Variants in ADAMTS20 observed in about 807,000 individuals in gnomAD.
The protein encoded by ADAMTS20 is A disintegrin and metalloproteinase with thrombospondin motifs 20.
A neutral mutation model predicts 260.1 loss-of-function variants in ADAMTS20; 225 were observed. The observed-to-expected ratio is 0.87, with a 90% confidence interval of 0.78 to 0.97. The LOEUF (loss-of-function observed/expected upper bound fraction) is 0.97, where lower values mean the gene tolerates loss of function less well. ADAMTS20 is among the 50% of genes least tolerant of loss of function. The pLI is 0.00. For missense variants in ADAMTS20, 2,400 were observed against 2,337.7 expected, an observed-to-expected ratio of 1.03 and a Z score of -0.55; for synonymous variants, 802 against 769.5, an observed-to-expected ratio of 1.04 and a Z score of -0.70.
At chr12:43,541,763 T>G (rs1210907590) in intron 2 of ADAMTS20, among the ~76,000 whole-genome samples, 1 of 148,450 alleles carries the variant, frequency 6.7e-6, no homozygotes, top group Non-Finnish European at 1.5e-5. Flanking sequence ...TAGTAAGGGT[T>G]TTGTTTTGTT....
chr12:43,405,417 CTAATAA>C (rs66970122), intron 28 of ADAMTS20, among the ~76,000 whole-genome samples: 28,438 of 135,400 alleles, frequency 0.21, 3,127 homozygotes, highest in Middle Eastern at 0.36. Context: ...GACGTCTTCT[CTAATAA>C]TAATAATAAT....
chr12:43,427,229 T>C, intron 27 of ADAMTS20, 79 bp downstream of exon 27: 2 of 1,458,792 alleles, frequency 1.4e-6, no homozygotes, highest in Non-Finnish European at 1.8e-6. Context: ...ATCAGATTAT[T>C]GAACAGTATA....
chr12:43,467,075 C>CTT (rs1942168152), intron 8 of ADAMTS20, among the ~76,000 whole-genome samples: 1 of 151,940 alleles, frequency 6.6e-6, no homozygotes, highest in Non-Finnish European at 1.5e-5. Context: ...ACAGCATTGA[C>CTT]ATAAAAGTGC....
intron 31 of ADAMTS20, among the ~76,000 whole-genome samples, chr12:43,381,059 T>C (rs1940338678): frequency 6.6e-6 from 1 of 152,156 alleles, no homozygotes; most frequent in Admixed American, 6.5e-5. Flanking sequence ...GAAAATAGAA[T>C]TGAGAGTTCA....
chr12:43,380,539 T>C (rs1194215281), intron 31 of ADAMTS20, among the ~76,000 whole-genome samples: 4 of 152,064 alleles, frequency 2.6e-5, no homozygotes, highest in Non-Finnish European at 5.9e-5. Flanking sequence ...AAAATCCCAT[T>C]TAATCCACAC....
intron 7 of ADAMTS20, 78 bp from the exon 8 acceptor site, chr12:43,468,783 T>A: frequency 1.2e-6 from 1 of 804,406 alleles, no homozygotes; most frequent in Non-Finnish European, 2.0e-6. Flanking sequence ...TTGAAGCATT[T>A]AACCATTGAT....
intron 7 of ADAMTS20, among the ~76,000 whole-genome samples, chr12:43,470,030 GA>G (rs1942225407): frequency 6.6e-6 from 1 of 151,996 alleles, no homozygotes; most frequent in South Asian, 2.1e-4. Context: ...ATCAAGCAAG[GA>G]AAAAAATTAA....
chr12:43,468,598 A>T lies in ADAMTS20; in HGVS notation c.1223+2T>A. 2.5e-6 allele frequency: 4 copies of T among 1,573,178 alleles called. No individual in the cohort carries two copies. Among genetic ancestry groups the T allele is most frequent in the Non-Finnish European group, 3.5e-6 (4 of 1,148,900 alleles). ...ATTAAGGAGGTGACAGAAGGTACTT[A>T]CGTGTGCCCAAGCTCATGGGCTATA... On this transcript the variant is annotated splice_donor_variant, in intron 8 of 38. Transcript: ENST00000389420. LOFTEE classifies it high-confidence loss of function.
chr12:43,431,353 C>G lies in ADAMTS20; in HGVS notation c.3240G>C (p.Trp1080Cys). 3.7e-6 allele frequency: 6 copies of G among 1,613,796 alleles called. No homozygotes were observed. The highest frequency in any genetic ancestry group is 5.1e-6 in the Non-Finnish European group (6 of 1,179,808). The change falls in exon 22 of 39, where the codon TGG becomes TGC. Residue 1080 changes from tryptophan to cysteine, a missense_variant. By Grantham distance (215) the Trp-to-Cys change is radical. Coordinates refer to ENST00000389420, the MANE Select transcript of ADAMTS20 (RefSeq NM_025003.5). Reference sequence around the variant, plus strand: ...TCACAGGACCCCATGGTCCTACTTGCCAGGAAGCACATGTATGAAGTTCAC... The same window carrying G: ...TCACAGGACCCCATGGTCCTACTTGGCAGGAAGCACATGTATGAAGTTCAC... ...SPCELHTCAS[W>C]QVGPWGPCTT...
At chr12:43,387,439 G>C (rs1592041972) in intron 29 of ADAMTS20, among the ~76,000 whole-genome samples, 1 of 152,184 alleles carries the variant, frequency 6.6e-6, no homozygotes, top group African/African-American at 2.4e-5. Flanking sequence ...CCTGCTGGGA[G>C]GTGTCTCCCA....
intron 11 of ADAMTS20, among the ~76,000 whole-genome samples, chr12:43,459,223 G>A (rs923223968): frequency 1.3e-5 from 2 of 152,128 alleles, no homozygotes; most frequent in South Asian, 2.1e-4. Flanking sequence ...CCATCCCTCC[G>A]GATCCAACAG....
chr12:43,488,378 C>T (rs964138083), intron 7 of ADAMTS20, among the ~76,000 whole-genome samples: 18 of 152,120 alleles, frequency 1.2e-4, no homozygotes, highest in African/African-American at 4.3e-4. Flanking sequence ...TTCCCTTCAT[C>T]TGTGGGAGTA....
chr12:43,511,868 T>C (rs570592635), intron 3 of ADAMTS20, among the ~76,000 whole-genome samples: 1 of 152,248 alleles, frequency 6.6e-6, no homozygotes, highest in East Asian at 1.9e-4. Context: ...AGACTTAACA[T>C]CTCAAACAAC....
chr12:43,436,825 T>A (rs76871926), intron 18 of ADAMTS20, among the ~76,000 whole-genome samples: 17 of 152,282 alleles, frequency 1.1e-4, no homozygotes, highest in Admixed American at 2.0e-4. Flanking sequence ...AGCACCCTCA[T>A]GACAATCAGA....
chr12:43,376,467 T>C (rs1219672756), intron 33 of ADAMTS20, 57 bp downstream of exon 33: 12 of 1,547,314 alleles, frequency 7.8e-6, no homozygotes, highest in African/African-American at 1.4e-5. Context: ...GATATTTATT[T>C]TAACTGAAAC....
At chr12:43,431,926 A>T (rs1379490638) in intron 21 of ADAMTS20, among the ~76,000 whole-genome samples, 1 of 151,268 alleles carries the variant, frequency 6.6e-6, no homozygotes, top group Non-Finnish European at 1.5e-5. Flanking sequence ...TGCAGTGGCC[A>T]ATCTCAGCTT....
At chr12:43,405,280 T>C (rs1408097933) in intron 28 of ADAMTS20, among the ~76,000 whole-genome samples, 2 of 135,742 alleles carry the variant, frequency 1.5e-5, no homozygotes, top group East Asian at 4.5e-4. Flanking sequence ...GGCATGGTGA[T>C]GGTGATGCAC....
intron 3 of ADAMTS20, among the ~76,000 whole-genome samples, chr12:43,531,220 C>G (rs917316838): frequency 1.3e-5 from 2 of 151,858 alleles, no homozygotes; most frequent in Admixed American, 6.6e-5. Flanking sequence ...AGATAAATCA[C>G]AGAAAACTAT....
intron 31 of ADAMTS20, among the ~76,000 whole-genome samples, chr12:43,377,801 C>CAT (rs1555172953): frequency 2.7e-5 from 4 of 150,322 alleles, no homozygotes; most frequent in Non-Finnish European, 5.9e-5. Flanking sequence ...CCTGTGTGTG[C>CAT]GTGTGTGTGT....
Sources: allele counts gnomAD v4.1 joint callset (sites outside exome capture counted in the v4.1 genomes callset), GRCh38; gene constraint gnomAD v4.1.1; transcripts MANE v1.5; gene names NCBI Gene and HGNC (gene_info 2026-07-23, HGNC 2026-07-21).